TMEM132D: variants seen among roughly 807,000 people sequenced by gnomAD.
The protein encoded by TMEM132D is mature OL transmembrane protein.
Under a neutral mutation model 62.3 loss-of-function variants are expected in TMEM132D, and 21 were observed. The observed-to-expected ratio is 0.34, with a 90% CI of 0.24 to 0.49. The LOEUF (loss-of-function observed/expected upper bound fraction) is 0.49, where lower values mean the gene tolerates loss of function less well. Ranked by LOEUF, TMEM132D falls within the 20% of genes least tolerant of loss-of-function variation. TMEM132D has a pLI of 0.99. For missense variants in TMEM132D, 1,346 were observed against 1,402.8 expected (o/e 0.96, Z 0.65); for synonymous variants, 621 against 575.6 (o/e 1.08, Z -1.13).
At position 129,691,761 on chromosome 12, in the gene TMEM132D, T is replaced by C. The variant is rs188050449; in HGVS notation, c.968+8049A>G. On this transcript the variant is annotated intron_variant, in intron 2 of 8. Transcript: ENST00000422113. ...TAATCTTTCAATTTATAATTAAAAA[T>C]AAAAATCAAAACAAAAACAAGCAAA... 3.1e-3 allele frequency among the ~76,000 whole-genome samples: 474 copies of C among 152,022 alleles called. 1 individual carries two copies. Among genetic ancestry groups the C allele is most frequent in the African/African-American group, 0.011 (458 of 41,500 alleles).
chr12:129,213,456 G>A (rs904133421), intron 4 of TMEM132D, among the ~76,000 whole-genome samples: 6 of 152,112 alleles, frequency 3.9e-5, no homozygotes, highest in Admixed American at 1.3e-4. Flanking sequence ...GTGATTGTGC[G>A]ACTGCACCAC....
intron 3 of TMEM132D, among the ~76,000 whole-genome samples, chr12:129,366,233 T>C (rs528714684): frequency 5.4e-4 from 83 of 152,314 alleles, no homozygotes; most frequent in Middle Eastern, 6.8e-3. Flanking sequence ...CCAAATCTCC[T>C]GTTGAATTGT....
intron 3 of TMEM132D, among the ~76,000 whole-genome samples, chr12:129,451,876 C>T (rs979032677): frequency 6.6e-6 from 1 of 152,178 alleles, no homozygotes; most frequent in Non-Finnish European, 1.5e-5. Context: ...GCTATACTAG[C>T]TGCAAAGGAA....
chr12:129,340,101 T>C (rs1162762433), intron 3 of TMEM132D, among the ~76,000 whole-genome samples: 1 of 152,206 alleles, frequency 6.6e-6, no homozygotes, highest in Non-Finnish European at 1.5e-5. Context: ...TATAATACCC[T>C]TCAATTAATA....
intron 1 of TMEM132D, among the ~76,000 whole-genome samples, chr12:129,809,006 C>A (rs1565993501): frequency 6.6e-6 from 1 of 152,142 alleles, no homozygotes; most frequent in Non-Finnish European, 1.5e-5. Context: ...ATAAGCCAAC[C>A]ACTTAAAGTT....
At chr12:129,545,632 G>C (rs139609224) in intron 2 of TMEM132D, among the ~76,000 whole-genome samples, 8 of 152,158 alleles carry the variant, frequency 5.3e-5, no homozygotes, top group Non-Finnish European at 1.0e-4. Flanking sequence ...CCCACTCCCT[G>C]CCTCTGGCAA....
chr12:129,748,428 A>G (rs2137265283), intron 1 of TMEM132D, among the ~76,000 whole-genome samples: 1 of 152,138 alleles, frequency 6.6e-6, no homozygotes, highest in East Asian at 1.9e-4. Flanking sequence ...GACAGGGAGG[A>G]TGTGAGAGAG....
At chr12:129,673,942 G>T (rs1880567492) in intron 2 of TMEM132D, among the ~76,000 whole-genome samples, 1 of 152,086 alleles carries the variant, frequency 6.6e-6, no homozygotes, top group Admixed American at 6.5e-5. Flanking sequence ...TAGGAAAAAA[G>T]ACCTAATTCT....
At chr12:129,663,568 G>C (rs565045258) in intron 2 of TMEM132D, among the ~76,000 whole-genome samples, 4 of 152,196 alleles carry the variant, frequency 2.6e-5, no homozygotes, top group Non-Finnish European at 5.9e-5. Context: ...AGGAAGTGGA[G>C]ATTTTAACTG....
intron 4 of TMEM132D, among the ~76,000 whole-genome samples, chr12:129,282,174 C>G (rs895952311): frequency 6.6e-6 from 1 of 152,168 alleles, no homozygotes; most frequent in African/African-American, 2.4e-5. Context: ...TGAGGAAACA[C>G]TGAGGTTTGC....
chr12:129,374,490 G>A (rs1467632827), intron 3 of TMEM132D, among the ~76,000 whole-genome samples: 1 of 152,130 alleles, frequency 6.6e-6, no homozygotes, highest in Non-Finnish European at 1.5e-5. Context: ...AGTGGAAGGG[G>A]ATTCATAGGT....
intron 4 of TMEM132D, among the ~76,000 whole-genome samples, chr12:129,216,480 G>A (rs559024095): frequency 6.6e-6 from 1 of 152,312 alleles, no homozygotes; most frequent in East Asian, 1.9e-4. Context: ...GGAAGATGGA[G>A]CCAGAGATTG....
At chr12:129,816,192 G>A (rs1236134556) in intron 1 of TMEM132D, among the ~76,000 whole-genome samples, 5 of 152,148 alleles carry the variant, frequency 3.3e-5, no homozygotes, top group African/African-American at 4.8e-5. Flanking sequence ...TATTTGCTAG[G>A]GGCCGTGTTC....
At chr12:129,792,804 G>C (rs1871439758) in intron 1 of TMEM132D, among the ~76,000 whole-genome samples, 1 of 152,104 alleles carries the variant, frequency 6.6e-6, no homozygotes, top group African/African-American at 2.4e-5. Flanking sequence ...GAAGAGCTGG[G>C]GAGAGCTTAC....
chr12:129,438,380 C>T (rs1428270157), intron 3 of TMEM132D, among the ~76,000 whole-genome samples: 1 of 152,054 alleles, frequency 6.6e-6, no homozygotes, highest in Admixed American at 6.6e-5. Flanking sequence ...AATATCCACC[C>T]ATAGAATAGA....
At chr12:129,721,651 G>A (rs1170817192) in intron 1 of TMEM132D, among the ~76,000 whole-genome samples, 2 of 152,114 alleles carry the variant, frequency 1.3e-5, no homozygotes, top group Non-Finnish European at 2.9e-5. Flanking sequence ...CTGCCTGCTG[G>A]GGGCTTCAAT....
In TMEM132D at chr12:129,598,303, C is replaced by T. The variant is rs114419812; in HGVS notation, c.969-67098G>A. On this transcript the variant is annotated intron_variant, in intron 2 of 8. Coordinates refer to ENST00000422113, the MANE Select transcript of TMEM132D (RefSeq NM_133448.3). The stretch of plus-strand genomic sequence containing the variant: ...ACTCAAGGGACTTTCTTTAAGAGGG[C>T]TGTAAAGACAGGCAGGCTCCAGGTC... Among the ~76,000 whole-genome samples, 1,407 of 152,272 alleles carry T rather than the reference C, an allele frequency of 9.2e-3. 21 individuals are homozygous for T. The highest frequency in any genetic ancestry group is 0.033 in the African/African-American group (1,357 of 41,542).
intron 5 of TMEM132D, among the ~76,000 whole-genome samples, chr12:129,205,486 T>G (rs1015975613): frequency 2.0e-5 from 3 of 151,948 alleles, no homozygotes; most frequent in African/African-American, 7.3e-5. Flanking sequence ...TATACATGCA[T>G]CCAATTCAGG....
intron 3 of TMEM132D, among the ~76,000 whole-genome samples, chr12:129,374,090 T>C (rs554544836): frequency 1.3e-5 from 2 of 152,324 alleles, no homozygotes; most frequent in East Asian, 3.9e-4. Context: ...AAAGATGCTG[T>C]CTTAGTCAGT....
Sources: gnomAD v4.1 joint callset for allele counts (sites outside exome capture counted in the v4.1 genomes callset) on GRCh38, gnomAD v4.1.1 for gene constraint, MANE v1.5 for transcripts, NCBI Gene and HGNC (gene_info 2026-07-23, HGNC 2026-07-21) for gene names.